The following PRKCA variants were observed in gnomAD, a reference collection of about 807,000 sequenced individuals.
PRKCA encodes protein kinase C alpha type.
Under a neutral mutation model 87.0 loss-of-function variants are expected in PRKCA, and 27 were observed. That is an observed-to-expected ratio of 0.31 (90% CI 0.23 to 0.43). PRKCA has a LOEUF of 0.43. Among genes scored for constraint, PRKCA ranks in the 20% least tolerant of loss-of-function variants. PRKCA has a pLI of 1.00. For synonymous variants in PRKCA, 329 were observed against 311.1 expected (o/e 1.06, Z -0.61); for missense variants, 518 against 852.3 (o/e 0.61, Z 4.88).
At chr17:66,424,568 A>AACACACACACAC (rs141074503) in intron 2 of PRKCA, among the ~76,000 whole-genome samples, 16,289 of 141,886 alleles carry the variant, frequency 0.11, 1,068 homozygotes, top group Non-Finnish European at 0.14. Context: ...CCCTGTCTCA[A>AACACACACACAC]ACACACACAC....
intron 5 of PRKCA, among the ~76,000 whole-genome samples, chr17:66,679,433 G>A (rs1972430579): frequency 6.6e-6 from 1 of 152,088 alleles, no homozygotes; most frequent in Non-Finnish European, 1.5e-5. Context: ...CACCCGCCTT[G>A]GCCTCCCAGA....
chr17:66,328,267 G>A (rs1906109286), intron 2 of PRKCA, among the ~76,000 whole-genome samples: 1 of 151,876 alleles, frequency 6.6e-6, no homozygotes, highest in Non-Finnish European at 1.5e-5. Flanking sequence ...TGTCCAGGTC[G>A]GTCTTGAACT....
At chr17:66,326,273 GT>G (rs987138863) in intron 2 of PRKCA, among the ~76,000 whole-genome samples, 27 of 152,196 alleles carry the variant, frequency 1.8e-4, no homozygotes, top group African/African-American at 6.0e-4. Context: ...ATAAAAAAAG[GT>G]TTTTGAAAGG....
intron 3 of PRKCA, among the ~76,000 whole-genome samples, chr17:66,565,378 C>T (rs1968858070): frequency 6.6e-6 from 1 of 152,198 alleles, no homozygotes; most frequent in African/African-American, 2.4e-5. Context: ...ATTTCTTGAC[C>T]TTTTGCTTTC....
Position 66,698,106 on chromosome 17 carries a change from C to T in PRKCA, c.918+9059C>T, listed in dbSNP as rs147608062. On this transcript the variant is annotated intron_variant, in intron 8 of 16. Coordinates refer to ENST00000413366, the MANE Select transcript of PRKCA (RefSeq NM_002737.3). ...GGCTGACTGGTGAAGGCATTTCTCT[C>T]CTGATGCCAGTCAATAAGGATTGGA... Among the ~76,000 whole-genome samples the T allele has an allele frequency of 5.4e-3, 817 of 152,306 alleles. 13 individuals carry two copies. Among genetic ancestry groups the T allele is most frequent in the African/African-American group, 0.017 (689 of 41,574 alleles).
At chr17:66,703,449 C>CT (rs1482670713) in intron 8 of PRKCA, 4 of 152,086 alleles carry the variant, frequency 2.6e-5, no homozygotes, top group African/African-American at 9.7e-5. Context: ...GGAATACCTC[C>CT]TGAAGGCTCT....
intron 2 of PRKCA, among the ~76,000 whole-genome samples, chr17:66,315,378 T>A (rs1179014401): frequency 6.6e-6 from 1 of 152,174 alleles, no homozygotes; most frequent in Non-Finnish European, 1.5e-5. Flanking sequence ...TTAAGCCAGG[T>A]GTTCTGCTGC....
chr17:66,352,535 T>A (rs1201779750), intron 2 of PRKCA, among the ~76,000 whole-genome samples: 2 of 150,954 alleles, frequency 1.3e-5, no homozygotes, highest in Non-Finnish European at 2.9e-5. Flanking sequence ...AAAGAGCATC[T>A]TGAATTTGTG....
chr17:66,361,837 G>T (rs182216197), intron 2 of PRKCA, among the ~76,000 whole-genome samples: 208 of 152,242 alleles, frequency 1.4e-3, no homozygotes, highest in Non-Finnish European at 2.2e-3. Context: ...CATGTTCTCT[G>T]CGTCAGGCAC....
At chr17:66,492,202 CGTGTAAG>C (rs1228655592) in intron 2 of PRKCA, among the ~76,000 whole-genome samples, 3 of 152,000 alleles carry the variant, frequency 2.0e-5, no homozygotes, top group Non-Finnish European at 4.4e-5. Flanking sequence ...GGGAAGCTTT[CGTGTAAG>C]GTAGGTGGGG....
chr17:66,337,193 G>A (rs1190354876), intron 2 of PRKCA, among the ~76,000 whole-genome samples: 1 of 152,136 alleles, frequency 6.6e-6, no homozygotes, highest in African/African-American at 2.4e-5. Context: ...GAAGGGGGCA[G>A]GCAGGGAGGT....
At chr17:66,701,764 A>G (rs931545735) in intron 8 of PRKCA, among the ~76,000 whole-genome samples, 1 of 152,138 alleles carries the variant, frequency 6.6e-6, no homozygotes, top group Non-Finnish European at 1.5e-5. Flanking sequence ...TCAAAATTAT[A>G]ATGAGGTATC....
intron 13 of PRKCA, among the ~76,000 whole-genome samples, chr17:66,763,900 A>AGG (rs1974739756): frequency 6.6e-6 from 1 of 152,196 alleles, no homozygotes; most frequent in African/African-American, 2.4e-5. Context: ...TCCTGAGTGA[A>AGG]GGAGGCATCT....
In PRKCA at chr17:66,496,060, A is replaced by G. The variant is rs1007735896; in HGVS notation, c.206-141A>G. On this transcript the variant is annotated intron_variant, in intron 2 of 16. Coordinates refer to ENST00000413366, the MANE Select transcript of PRKCA (RefSeq NM_002737.3). ...CAAATGTTGCTGATTCTAGAATGAAATGCCTTCTGATTGCTGTTTATAAGA... is the reference window on the plus strand; with the variant it reads ...CAAATGTTGCTGATTCTAGAATGAAGTGCCTTCTGATTGCTGTTTATAAGA... 15 of 665,298 alleles carry G rather than the reference A, an allele frequency of 2.3e-5. No homozygotes were observed. In the Middle Eastern group the frequency reaches 1.2e-3, roughly 52 times the overall value. 41.2% of individuals were successfully genotyped at this position (665,298 alleles called of 1,614,324 possible). A position where few individuals can be genotyped will look rare whatever the true frequency, so the allele number is the denominator to read the frequency against.
At chr17:66,625,985 T>C (rs1210650320) in intron 3 of PRKCA, among the ~76,000 whole-genome samples, 2 of 152,360 alleles carry the variant, frequency 1.3e-5, no homozygotes, top group South Asian at 2.1e-4. Flanking sequence ...TGCACATTTA[T>C]GTGGCCTCAT....
chr17:66,797,175 C>G (rs1300077529), intron 16 of PRKCA, among the ~76,000 whole-genome samples: 1 of 152,194 alleles, frequency 6.6e-6, no homozygotes, highest in African/African-American at 2.4e-5. Flanking sequence ...AAGCCAACTC[C>G]TGCATTGCAT....
At chr17:66,732,650 A>T (rs1973931999) in intron 8 of PRKCA, 38 bp from the exon 9 acceptor site, 8 of 1,612,982 alleles carry the variant, frequency 5.0e-6, no homozygotes, top group Non-Finnish European at 6.8e-6. Context: ...TCCCCAGAAA[A>T]ATGACCCACG....
At chr17:66,590,516 C>T (rs1326296976) in intron 3 of PRKCA, among the ~76,000 whole-genome samples, 2 of 152,126 alleles carry the variant, frequency 1.3e-5, no homozygotes, top group Non-Finnish European at 2.9e-5. Flanking sequence ...AGAGCGTGCA[C>T]GAGGGCGTCT....
At chr17:66,710,421 TCTC>T in intron 8 of PRKCA, among the ~76,000 whole-genome samples, 2 of 152,246 alleles carry the variant, frequency 1.3e-5, no homozygotes, top group African/African-American at 4.8e-5. Context: ...TGGCAGTTTT[TCTC>T]CTCCTCCTGT....
Sources: gnomAD v4.1 joint callset for allele counts (sites outside exome capture counted in the v4.1 genomes callset) on GRCh38, gnomAD v4.1.1 for gene constraint, MANE v1.5 for transcripts, NCBI Gene and HGNC (gene_info 2026-07-23, HGNC 2026-07-21) for gene names.